Variants in COBL observed in about 807,000 individuals in gnomAD.
The protein encoded by COBL is cordon-bleu WH2 repeat protein, also known as protein cordon-bleu.
In COBL, 51 loss-of-function variants were observed where a neutral mutation model predicts 98.8. The observed-to-expected ratio is 0.52, with a 90% CI of 0.41 to 0.65. COBL has a LOEUF of 0.65. Among genes scored for constraint, COBL ranks in the 30% least tolerant of loss-of-function variants. The pLI is 0.00. For missense variants in COBL, 1,617 were observed against 1,617.5 expected, an observed-to-expected ratio of 1.00 and a Z score of 0.01; for synonymous variants, 634 against 651.7, an observed-to-expected ratio of 0.97 and a Z score of 0.41.
chr7:51,045,974 C>G (rs1165203622), intron 7 of COBL, among the ~76,000 whole-genome samples: 2 of 152,236 alleles, frequency 1.3e-5, no homozygotes, highest in African/African-American at 4.8e-5. Flanking sequence ...AGCCCTCCTG[C>G]TCTCCATGTG....
chr7:51,308,697 T>C (rs1459477947), intron 1 of COBL, among the ~76,000 whole-genome samples: 1 of 152,144 alleles, frequency 6.6e-6, no homozygotes, highest in Non-Finnish European at 1.5e-5. Context: ...GCTCTGACTT[T>C]CCCAGGTGCA....
chr7:51,170,530 T>A (rs140170117), intron 5 of COBL, among the ~76,000 whole-genome samples: 3,757 of 135,476 alleles, frequency 0.028, 140 homozygotes, highest in Admixed American at 0.086. Flanking sequence ...TATATATATA[T>A]AAATATATAT....
intron 1 of COBL, among the ~76,000 whole-genome samples, chr7:51,313,357 G>A (rs904310435): frequency 1.3e-5 from 2 of 152,100 alleles, no homozygotes; most frequent in South Asian, 2.1e-4. Context: ...GTGCGGCACC[G>A]ACAGGACTAG....
chr7:51,255,935 G>A (rs895544187), intron 1 of COBL, among the ~76,000 whole-genome samples: 4 of 152,150 alleles, frequency 2.6e-5, no homozygotes, highest in African/African-American at 9.6e-5. Flanking sequence ...CTGAGGGCAA[G>A]GCCAGATCTC....
chr7:51,186,520 T>C (rs1304087302), intron 4 of COBL, among the ~76,000 whole-genome samples: 1 of 152,196 alleles, frequency 6.6e-6, no homozygotes, highest in East Asian at 1.9e-4. Context: ...GCCTGTTGTT[T>C]CTCTTCTTGA....
intron 6 of COBL, among the ~76,000 whole-genome samples, chr7:51,098,734 C>T (rs143599358): frequency 8.6e-5 from 13 of 151,988 alleles, no homozygotes; most frequent in African/African-American, 3.1e-4. Context: ...AAAGTACAGA[C>T]AACAAAAGCA....
intron 7 of COBL, among the ~76,000 whole-genome samples, chr7:51,060,541 T>TA (rs60998422): frequency 0.31 from 47,632 of 151,954 alleles, 8,172 homozygotes; most frequent in East Asian, 0.46. Context: ...AGCAGTACCT[T>TA]AGAGGGCTCG....
intron 6 of COBL, among the ~76,000 whole-genome samples, chr7:51,092,162 C>CT (rs1179815942): frequency 6.6e-6 from 1 of 152,172 alleles, no homozygotes; most frequent in Non-Finnish European, 1.5e-5. Flanking sequence ...TTGTGCACTC[C>CT]TTATGGGAAT....
chr7:51,069,133 C>T (rs1418729750), intron 7 of COBL, among the ~76,000 whole-genome samples: 3 of 152,216 alleles, frequency 2.0e-5, no homozygotes, highest in Non-Finnish European at 2.9e-5. Flanking sequence ...TCTGCCAATA[C>T]ACCACTGTGG....
chr7:51,270,286 A>G (rs1798635514), intron 1 of COBL, among the ~76,000 whole-genome samples: 1 of 152,196 alleles, frequency 6.6e-6, no homozygotes, highest in South Asian at 2.1e-4. Flanking sequence ...ACTGGCTCTG[A>G]GGTGCTGAAT....
intron 2 of COBL, among the ~76,000 whole-genome samples, chr7:51,195,408 G>A (rs1353513443): frequency 6.6e-6 from 1 of 152,142 alleles, no homozygotes; most frequent in Non-Finnish European, 1.5e-5. Context: ...ATGCTGTTTG[G>A]TTACTGTAGC....
At chr7:51,180,475 T>G (rs1025352220) in intron 5 of COBL, among the ~76,000 whole-genome samples, 1 of 152,234 alleles carries the variant, frequency 6.6e-6, no homozygotes, top group Non-Finnish European at 1.5e-5. Flanking sequence ...TTTAAAAATC[T>G]AATCTGAGAT....
At chr7:51,214,318 A>AATAAATAG (rs1216963093) in intron 2 of COBL, among the ~76,000 whole-genome samples, 1 of 150,992 alleles carries the variant, frequency 6.6e-6, no homozygotes, top group African/African-American at 2.4e-5. Flanking sequence ...TAAATAAATA[A>AATAAATAG]AGACAATGCT....
At chr7:51,279,831 T>C (rs1403925484) in intron 1 of COBL, among the ~76,000 whole-genome samples, 7 of 152,210 alleles carry the variant, frequency 4.6e-5, no homozygotes. Context: ...TATCTTGCCT[T>C]TTCCAGAATG....
intron 6 of COBL, among the ~76,000 whole-genome samples, chr7:51,108,448 T>C (rs1456462156): frequency 6.6e-6 from 1 of 152,188 alleles, no homozygotes; most frequent in Non-Finnish European, 1.5e-5. Flanking sequence ...CTCACGTGCA[T>C]GGCTTGGTGC....
intron 1 of COBL, among the ~76,000 whole-genome samples, chr7:51,260,680 C>T (rs527621495): frequency 2.6e-5 from 4 of 152,260 alleles, no homozygotes; most frequent in African/African-American, 7.2e-5. Flanking sequence ...AAGGAAGGGT[C>T]GCTACAGGAG....
At chr7:51,313,236 G>A (rs1372418784) in intron 1 of COBL, among the ~76,000 whole-genome samples, 1 of 127,206 alleles carries the variant, frequency 7.9e-6, no homozygotes, top group Non-Finnish European at 1.7e-5. Context: ...TTATGGTGTA[G>A]AGTTAATATT....
At chr7:51,130,872 G>A (rs908288946) in intron 6 of COBL, among the ~76,000 whole-genome samples, 12 of 152,164 alleles carry the variant, frequency 7.9e-5, no homozygotes, top group African/African-American at 1.2e-4. Flanking sequence ...TACACAGATC[G>A]TCCTCAGTCT....
chr7:51,075,783 G>C (rs1270726768), intron 7 of COBL, among the ~76,000 whole-genome samples: 2 of 152,118 alleles, frequency 1.3e-5, no homozygotes, highest in Non-Finnish European at 2.9e-5. Context: ...TTTTTGAAAA[G>C]CTATATATAG....
Sources: gnomAD v4.1 joint callset for allele counts (sites outside exome capture counted in the v4.1 genomes callset) on GRCh38, gnomAD v4.1.1 for gene constraint, MANE v1.5 for transcripts, NCBI Gene and HGNC (gene_info 2026-07-23, HGNC 2026-07-21) for gene names.